GRIN2B: variants seen among roughly 807,000 people sequenced by gnomAD.
The protein encoded by GRIN2B is glutamate receptor ionotropic, NMDA 2B.
Under a neutral mutation model 114.5 loss-of-function variants are expected in GRIN2B, and 5 were observed. That is an observed-to-expected ratio of 0.04 (90% CI 0.02 to 0.09). The LOEUF is 0.09. GRIN2B is among the 10% of genes least tolerant of loss of function. GRIN2B has a pLI of 1.00. For synonymous variants in GRIN2B, 787 were observed against 745.1 expected (o/e 1.06, Z -0.92); for missense variants, 1,108 against 1,943.5 (o/e 0.57, Z 8.08).
intron 2 of GRIN2B, among the ~76,000 whole-genome samples, chr12:13,941,030 C>A (rs1402828861): frequency 6.6e-6 from 1 of 151,502 alleles, no homozygotes; most frequent in Non-Finnish European, 1.5e-5. Context: ...TGCTAGTGCC[C>A]CACTAGCTTC....
chr12:13,751,639 G>T, intron 4 of GRIN2B, among the ~76,000 whole-genome samples: 1 of 152,152 alleles, frequency 6.6e-6, no homozygotes, highest in Admixed American at 6.5e-5. Context: ...GAGAGGGTGG[G>T]AGACTAGTGG....
At chr12:13,647,641 C>T (rs542563627) in intron 5 of GRIN2B, among the ~76,000 whole-genome samples, 8 of 152,062 alleles carry the variant, frequency 5.3e-5, no homozygotes, top group East Asian at 3.9e-4. Flanking sequence ...CCTGAAAGAG[C>T]GGAGAGGAGG....
At chr12:13,827,340 G>A (rs891829685) in intron 3 of GRIN2B, among the ~76,000 whole-genome samples, 3 of 145,946 alleles carry the variant, frequency 2.1e-5, no homozygotes, top group Non-Finnish European at 4.5e-5. Flanking sequence ...AATCAAATGT[G>A]GAATTCTATT....
rs1248659431 is a variant in GRIN2B at position 13,843,334 on chromosome 12, G to A, written c.411+22464C>T. 2.6e-5 allele frequency among the ~76,000 whole-genome samples: 4 copies of A among 151,990 alleles called. No homozygotes were observed. In the East Asian group the frequency reaches 7.7e-4, roughly 29 times the overall value. On this transcript the variant is annotated intron_variant, in intron 3 of 13. Transcript: ENST00000609686. ...TATGAGTGTGATCTTCCAGACAACTGTGTCTGCATCAAGTACCCCTAGGGG... is the reference window on the plus strand; with the variant it reads ...TATGAGTGTGATCTTCCAGACAACTATGTCTGCATCAAGTACCCCTAGGGG...
intron 10 of GRIN2B, among the ~76,000 whole-genome samples, chr12:13,590,680 G>T (rs1327643708): frequency 6.6e-6 from 1 of 152,070 alleles, no homozygotes; most frequent in Admixed American, 6.6e-5. Context: ...CCAAGTCTTT[G>T]CTATTGTAAA....
intron 3 of GRIN2B, among the ~76,000 whole-genome samples, chr12:13,786,208 T>C (rs1864218685): frequency 6.6e-6 from 1 of 152,150 alleles, no homozygotes; most frequent in South Asian, 2.1e-4. Context: ...TAATCATCCA[T>C]AGTTATTCAG....
intron 3 of GRIN2B, among the ~76,000 whole-genome samples, chr12:13,782,669 C>T (rs1028521449): frequency 1.3e-5 from 2 of 152,190 alleles, no homozygotes; most frequent in African/African-American, 2.4e-5. Flanking sequence ...ACTCTCACTA[C>T]TTTATAGTTC....
Position 13,971,035 on chromosome 12 carries a change from T to C in GRIN2B, c.-19+8893A>G, listed in dbSNP as rs146119012. Among the ~76,000 whole-genome samples, 66 of 152,322 alleles carry C rather than the reference T, an allele frequency of 4.3e-4. 1 individual carries two copies. In the East Asian group the frequency reaches 0.01, roughly 24 times the overall value. On this transcript the variant is annotated intron_variant, in intron 2 of 13. Transcript: ENST00000609686. Reference sequence around the variant, plus strand: ...CACGGGTGAAACTGATCTATCTGCATGGTAACAAATTCCAGGGTAAAGGCT... The same window carrying C: ...CACGGGTGAAACTGATCTATCTGCACGGTAACAAATTCCAGGGTAAAGGCT...
rs552154083 is a variant in GRIN2B at position 13,615,309 on chromosome 12, G to A, written c.1501-42C>T. 1.2e-6 allele frequency: 2 copies of A among 1,601,470 alleles called. No homozygotes were observed. The highest frequency in any genetic ancestry group is 1.1e-5 in the South Asian group (1 of 90,762). Reference sequence around the variant, plus strand: ...ATGCTCCAATTAAAACATTCAGGAGGGCAAGGGACCACCACAAGGAAAATA... The same window carrying A: ...ATGCTCCAATTAAAACATTCAGGAGAGCAAGGGACCACCACAAGGAAAATA... On this transcript the variant is annotated intron_variant, in intron 7 of 13. Transcript: ENST00000609686. The surrounding 1 kb of genome is among the most constrained non-coding windows in gnomAD (Gnocchi z 5.8).
chr12:13,708,951 T>A (rs1028376070), intron 4 of GRIN2B, among the ~76,000 whole-genome samples: 1 of 152,090 alleles, frequency 6.6e-6, no homozygotes, highest in Non-Finnish European at 1.5e-5. Context: ...TGGTAATAGA[T>A]AATAAATGAG....
intron 11 of GRIN2B, 28 bp from the exon 12 acceptor site, chr12:13,570,045 A>G (rs772515939): frequency 3.9e-6 from 6 of 1,533,608 alleles, no homozygotes; most frequent in Middle Eastern, 1.7e-4. Flanking sequence ...AAACAAATCC[A>G]ATGGAGGAAT....
chr12:13,802,085 G>C (rs1864527030), intron 3 of GRIN2B, among the ~76,000 whole-genome samples: 1 of 152,028 alleles, frequency 6.6e-6, no homozygotes, highest in Non-Finnish European at 1.5e-5. Context: ...CTGCCCTGAA[G>C]GAGTCTGAAG....
rs1209124929 is a variant in GRIN2B at position 13,562,664 on chromosome 12, T to A, written c.*119A>T. 1 of 888,816 alleles carries A rather than the reference T, an allele frequency of 1.1e-6. No homozygotes were observed. Among genetic ancestry groups the A allele is most frequent in the Non-Finnish European group, 1.9e-6 (1 of 532,904 alleles). The allele number at this position is 888,816 out of a possible 1,614,324, so 55.1% of individuals were successfully genotyped here. On this transcript the variant is annotated 3_prime_UTR_variant, in exon 14 of 14. Transcript: ENST00000609686. The stretch of plus-strand genomic sequence containing the variant: ...GAACTCCAGGATCCCATAAATAAAT[T>A]AAAACAAGAAAGGAGCAAATGGGAA...
chr12:13,681,497 C>CT (rs1420853030), intron 4 of GRIN2B, among the ~76,000 whole-genome samples: 1 of 152,054 alleles, frequency 6.6e-6, no homozygotes, highest in Admixed American at 6.5e-5. Flanking sequence ...TTGACCCCCT[C>CT]TTTTTTTGCA....
intron 5 of GRIN2B, 78 bp downstream of exon 5, chr12:13,675,667 A>T: frequency 1.2e-6 from 1 of 849,036 alleles, no homozygotes; most frequent in Non-Finnish European, 2.1e-6. Context: ...AAGCCAAAGG[A>T]CTACTTTCCT....
chr12:13,899,443 T>C lies in GRIN2B; in HGVS notation c.-18-33217A>G. Among the ~76,000 whole-genome samples, 2 of 106,214 alleles carry C rather than the reference T, an allele frequency of 1.9e-5. 1 individual carries two copies. Among genetic ancestry groups the C allele is most frequent in the Non-Finnish European group, 5.3e-5 (2 of 37,504 alleles). 69.7% of individuals were successfully genotyped at this position (106,214 alleles called of 152,430 possible). A position where few individuals can be genotyped will look rare whatever the true frequency, so the allele number is the denominator to read the frequency against. On this transcript the variant is annotated intron_variant, in intron 2 of 13. Coordinates refer to ENST00000609686, the MANE Select transcript of GRIN2B (RefSeq NM_000834.5). ...TCGTAGGGCAATCGGGGAGGTACCT[T>C]ATGTAAGCCATGTTCAACCCAAATG...
At chr12:13,902,517 A>C (rs981851441) in intron 2 of GRIN2B, among the ~76,000 whole-genome samples, 2 of 152,174 alleles carry the variant, frequency 1.3e-5, no homozygotes, top group African/African-American at 4.8e-5. Flanking sequence ...TTTGTGTAAG[A>C]GTATACTTTT....
At chr12:13,879,277 A>T (rs1229057091) in intron 2 of GRIN2B, among the ~76,000 whole-genome samples, 1 of 152,140 alleles carries the variant, frequency 6.6e-6, no homozygotes, top group East Asian at 1.9e-4. Context: ...TCTGTACAGC[A>T]TGTTACTGTA....
At chr12:13,611,626 G>T in intron 9 of GRIN2B, 99 bp downstream of exon 9, 1 of 1,193,484 alleles carries the variant, frequency 8.4e-7, no homozygotes, top group Non-Finnish European at 1.3e-6. Context: ...TTCAGAAATG[G>T]ATATGCTAGG....
Sources: gnomAD v4.1 joint callset for allele counts (sites outside exome capture counted in the v4.1 genomes callset) on GRCh38, gnomAD v4.1.1 for gene constraint, Gnocchi (gnomAD v3.1) non-coding constraint, MANE v1.5 for transcripts, NCBI Gene and HGNC (gene_info 2026-07-23, HGNC 2026-07-21) for gene names.